ALPK1: variants seen among roughly 807,000 people sequenced by gnomAD.
ALPK1 encodes the protein alpha kinase 1.
A neutral mutation model predicts 120.6 loss-of-function variants in ALPK1; 110 were observed. The ratio of observed to expected loss-of-function variants is 0.91; its 90% confidence interval spans 0.78 to 1.07. ALPK1 has a LOEUF of 1.07. Among genes scored for constraint, ALPK1 ranks in the 50% least tolerant of loss-of-function variants. The probability of loss-of-function intolerance (pLI) is 0.00; values close to 1 mark genes in which losing one functional copy is unlikely to be tolerated. For missense variants in ALPK1, 1,498 were observed against 1,483.9 expected, an observed-to-expected ratio of 1.01 and a Z score of -0.16; for synonymous variants, 582 against 560.3, an observed-to-expected ratio of 1.04 and a Z score of -0.55.
intron 2 of ALPK1, among the ~76,000 whole-genome samples, chr4:112,346,884 C>A (rs544313214): frequency 6.6e-6 from 1 of 152,314 alleles, no homozygotes; most frequent in South Asian, 2.1e-4. Context: ...GTCCACTGTG[C>A]TCATAAATAA....
chr4:112,414,728 AC>A (rs1733660662), intron 5 of ALPK1: 1 of 163,084 alleles, frequency 6.1e-6, no homozygotes, highest in East Asian at 1.6e-4. Flanking sequence ...AATTCCATCA[AC>A]ATGGAGGACT....
intron 1 of ALPK1, among the ~76,000 whole-genome samples, chr4:112,304,688 C>T (rs1278685313): frequency 6.6e-6 from 1 of 152,038 alleles, no homozygotes; most frequent in African/African-American, 2.4e-5. Flanking sequence ...AATTTTCTCC[C>T]ATTCTGTAGG....
intron 2 of ALPK1, chr4:112,357,054 A>G (rs1449776017): frequency 6.7e-6 from 6 of 900,602 alleles, no homozygotes; most frequent in Non-Finnish European, 1.8e-6. Context: ...TCAGGGCTGA[A>G]CATGGAGCTG....
intron 2 of ALPK1, among the ~76,000 whole-genome samples, chr4:112,349,045 T>C (rs945687581): frequency 1.3e-5 from 2 of 152,090 alleles, no homozygotes; most frequent in Non-Finnish European, 2.9e-5. Flanking sequence ...GTTGGCTGGA[T>C]GCAGTTTTTG....
chr4:112,365,846 T>C (rs964258829), intron 2 of ALPK1, among the ~76,000 whole-genome samples: 1 of 152,250 alleles, frequency 6.6e-6, no homozygotes, highest in African/African-American at 2.4e-5. Context: ...ATGGTACTGG[T>C]ATAAAAATAG....
At chr4:112,309,784 T>C (rs1364522688) in intron 1 of ALPK1, among the ~76,000 whole-genome samples, 3 of 152,086 alleles carry the variant, frequency 2.0e-5, no homozygotes, top group African/African-American at 7.3e-5. Flanking sequence ...ACTTTTCTTG[T>C]TGCAAGACCA....
intron 2 of ALPK1, among the ~76,000 whole-genome samples, chr4:112,336,391 A>T (rs1221647749): frequency 6.6e-6 from 1 of 152,192 alleles, no homozygotes; most frequent in African/African-American, 2.4e-5. Context: ...TACATTTGGA[A>T]ATATTAATTT....
At chr4:112,314,051 G>A (rs531184290) in intron 1 of ALPK1, among the ~76,000 whole-genome samples, 2 of 152,354 alleles carry the variant, frequency 1.3e-5, no homozygotes, top group Admixed American at 1.3e-4. Context: ...GAGAGGAAGA[G>A]GAGAGAAATA....
intron 4 of ALPK1, among the ~76,000 whole-genome samples, chr4:112,405,180 C>T (rs942256866): frequency 2.6e-5 from 4 of 152,140 alleles, no homozygotes; most frequent in East Asian, 1.9e-4. Context: ...CTACCTGGGC[C>T]TCTCCGGACT....
intron 1 of ALPK1, among the ~76,000 whole-genome samples, chr4:112,306,147 T>A (rs1034964993): frequency 1.3e-5 from 2 of 152,096 alleles, no homozygotes; most frequent in Non-Finnish European, 2.9e-5. Context: ...TGGATTTGGT[T>A]TGCCAGTATT....
intron 3 of ALPK1, among the ~76,000 whole-genome samples, chr4:112,379,842 G>T (rs1241742177): frequency 6.6e-6 from 1 of 152,192 alleles, no homozygotes; most frequent in Non-Finnish European, 1.5e-5. Flanking sequence ...TAGTTAAGAG[G>T]CATATTTTAT....
intron 1 of ALPK1, among the ~76,000 whole-genome samples, chr4:112,308,022 A>G (rs1053633649): frequency 2.0e-5 from 3 of 152,066 alleles, no homozygotes; most frequent in African/African-American, 4.8e-5. Context: ...AGTTTGGCTG[A>G]AAATGAAATT....
rs182698578 is a variant in ALPK1 at position 112,387,389 on chromosome 4, G to A, written c.276+4837G>A. 4.6e-3 allele frequency among the ~76,000 whole-genome samples: 708 copies of A among 152,316 alleles called. 3 individuals carry two copies. The highest frequency in any genetic ancestry group is 8.0e-3 in the Non-Finnish European group (545 of 68,034). On this transcript the variant is annotated intron_variant, in intron 4 of 15. Coordinates refer to ENST00000650871, the MANE Select transcript of ALPK1 (RefSeq NM_025144.4). ...GTTTGAACATTCCCTGCACAGGTTT[G>A]GGGGTCCTGATGCTGGAGGGAGACT...
intron 1 of ALPK1, among the ~76,000 whole-genome samples, chr4:112,314,265 G>A (rs536925350): frequency 3.3e-5 from 5 of 152,310 alleles, no homozygotes; most frequent in South Asian, 2.1e-4. Flanking sequence ...AAGAGACAGC[G>A]TGAAATAGTC....
chr4:112,431,716 T>C lies in ALPK1; in HGVS notation c.2169T>C (p.Ser723=). Residue 723 remains serine, a synonymous_variant, in exon 11 of 16, where the codon TCT becomes TCC. Transcript: ENST00000650871. ...SRPSYRSASW[S]SDSGRPKNMG... ...CCTCATATCGTTCTGCTTCTTGGTC[T>C]TCTGATTCTGGTAGGCCCAAGAATA... 6.2e-7 allele frequency: 1 copy of C among 1,614,232 alleles called. No homozygotes were observed. The highest frequency in any genetic ancestry group is 8.5e-7 in the Non-Finnish European group (1 of 1,180,046).
intron 4 of ALPK1, among the ~76,000 whole-genome samples, chr4:112,394,246 C>G (rs1246152387): frequency 6.6e-6 from 1 of 152,190 alleles, no homozygotes; most frequent in Non-Finnish European, 1.5e-5. Flanking sequence ...TTGTTGCACT[C>G]CTTTTTTCTC....
Position 112,354,227 on chromosome 4 carries a change from C to G in ALPK1, c.-100-23451C>G, listed in dbSNP as rs142373879. 8.0e-5 allele frequency among the ~76,000 whole-genome samples: 12 copies of G among 150,626 alleles called. No homozygotes were observed. In the East Asian group the frequency reaches 1.8e-3, roughly 22 times the overall value. The stretch of plus-strand genomic sequence containing the variant: ...TCCTTAATTACAATATTTTCCCTTA[C>G]GATTTGCTTGTTTTTTTTCAAGCAA... On this transcript the variant is annotated intron_variant, in intron 2 of 15. Transcript: ENST00000650871.
intron 4 of ALPK1, among the ~76,000 whole-genome samples, chr4:112,398,846 T>C (rs575342631): frequency 6.6e-6 from 1 of 152,174 alleles, no homozygotes; most frequent in South Asian, 2.1e-4. Context: ...CCAACATGAT[T>C]TGCTGATGGA....
intron 1 of ALPK1, among the ~76,000 whole-genome samples, chr4:112,308,723 C>T (rs776763529): frequency 2.0e-5 from 3 of 151,996 alleles, no homozygotes; most frequent in Non-Finnish European, 2.9e-5. Flanking sequence ...AAAGTTTGAT[C>T]GTCTGAAGCC....
Sources: gnomAD v4.1 joint callset for allele counts (sites outside exome capture counted in the v4.1 genomes callset) on GRCh38, gnomAD v4.1.1 for gene constraint, MANE v1.5 for transcripts, NCBI Gene and HGNC (gene_info 2026-07-23, HGNC 2026-07-21) for gene names.